The following NTNG1 variants were observed in gnomAD, a reference collection of about 807,000 sequenced individuals.
NTNG1 encodes the protein netrin-G1.
A neutral mutation model predicts 54.0 loss-of-function variants in NTNG1; 16 were observed. The ratio of observed to expected loss-of-function variants is 0.30; its 90% confidence interval spans 0.20 to 0.45. The LOEUF (loss-of-function observed/expected upper bound fraction) is 0.45. NTNG1 is among the 20% of genes least tolerant of loss of function. NTNG1 has a pLI of 1.00. For missense variants in NTNG1, 530 were observed against 678.7 expected (o/e 0.78, Z 2.43); for synonymous variants, 255 against 263.1 (o/e 0.97, Z 0.30).
chr1:107,391,353 G>A (rs1361055424), intron 3 of NTNG1, among the ~76,000 whole-genome samples: 1 of 152,150 alleles, frequency 6.6e-6, no homozygotes, highest in African/African-American at 2.4e-5. Flanking sequence ...TTGAGATTGG[G>A]TAGAGAGGGG....
chr1:107,440,789 T>C (rs890504559), intron 7 of NTNG1, among the ~76,000 whole-genome samples: 11 of 152,054 alleles, frequency 7.2e-5, no homozygotes, highest in African/African-American at 2.7e-4. Flanking sequence ...GGGGACATTT[T>C]AAAAACTCCA....
chr1:107,403,357 C>T (rs1195295773), intron 4 of NTNG1, among the ~76,000 whole-genome samples: 1 of 152,132 alleles, frequency 6.6e-6, no homozygotes, highest in Non-Finnish European at 1.5e-5. Flanking sequence ...AGTGACATTT[C>T]TGTTCTAGAA....
At chr1:107,335,644 T>C (rs889690635) in intron 3 of NTNG1, among the ~76,000 whole-genome samples, 4 of 151,784 alleles carry the variant, frequency 2.6e-5, no homozygotes, top group African/African-American at 9.7e-5. Flanking sequence ...GAGTAATTTT[T>C]ATCTAATTAG....
At chr1:107,428,212 C>T (rs1279034508) in intron 5 of NTNG1, among the ~76,000 whole-genome samples, 3 of 152,030 alleles carry the variant, frequency 2.0e-5, no homozygotes, top group Non-Finnish European at 4.4e-5. Context: ...TCATTCCCTC[C>T]TATTTTGTTT....
rs145406199 is a variant in NTNG1 at position 107,260,564 on chromosome 1, G to A, written c.247-63718G>A. Among the ~76,000 whole-genome samples the A allele has an allele frequency of 8.8e-3, 1,342 of 152,240 alleles. 12 individuals carry two copies. Among genetic ancestry groups the A allele is most frequent in the Middle Eastern group, 0.017 (5 of 294 alleles). ...GTGCCCGTAGAAGCACCTGTCTCTG[G>A]CTTTTGGTCAGGGTCTTCCACAGCA... On this transcript the variant is annotated intron_variant, in intron 2 of 7. Transcript: ENST00000370068.
At chr1:107,185,329 GT>G (rs959059453) in intron 2 of NTNG1, among the ~76,000 whole-genome samples, 4 of 152,174 alleles carry the variant, frequency 2.6e-5, no homozygotes, top group African/African-American at 9.6e-5. Context: ...AGAATCCTTT[GT>G]TACAGATTCC....
intron 2 of NTNG1, 150 bp downstream of exon 2, chr1:107,148,989 G>T: frequency 1.3e-6 from 1 of 760,870 alleles, no homozygotes; most frequent in Non-Finnish European, 2.1e-6. Flanking sequence ...TTTCTCAGTG[G>T]AGGCTTACAC....
intron 3 of NTNG1, among the ~76,000 whole-genome samples, chr1:107,394,211 A>G (rs1015932213): frequency 1.3e-5 from 2 of 152,082 alleles, no homozygotes; most frequent in African/African-American, 4.8e-5. Flanking sequence ...TGTAGGTTTT[A>G]CCTTTCCAGA....
At chr1:107,142,612 C>T (rs1653810572) in intron 1 of NTNG1, among the ~76,000 whole-genome samples, 1 of 150,718 alleles carries the variant, frequency 6.6e-6, no homozygotes, top group Non-Finnish European at 1.5e-5. Flanking sequence ...AGTAGAATTG[C>T]TCTAGAAATA....
At chr1:107,370,892 TACC>T (rs1670884636) in intron 3 of NTNG1, among the ~76,000 whole-genome samples, 1 of 152,164 alleles carries the variant, frequency 6.6e-6, no homozygotes, top group Non-Finnish European at 1.5e-5. Context: ...AACAGTTTGT[TACC>T]ACTATTTAGA....
chr1:107,372,985 A>G (rs1671016365), intron 3 of NTNG1, among the ~76,000 whole-genome samples: 1 of 151,890 alleles, frequency 6.6e-6, no homozygotes, highest in Admixed American at 6.6e-5. Context: ...AGCATGATCT[A>G]TTTTTCTGCA....
chr1:107,149,808 G>T (rs1309616310), intron 2 of NTNG1, among the ~76,000 whole-genome samples: 1 of 151,806 alleles, frequency 6.6e-6, no homozygotes, highest in Non-Finnish European at 1.5e-5. Context: ...TAGAAGAACT[G>T]CGATCCTGTT....
intron 3 of NTNG1, among the ~76,000 whole-genome samples, chr1:107,351,545 T>TA (rs1460449883): frequency 1.3e-5 from 2 of 152,146 alleles, no homozygotes; most frequent in African/African-American, 4.8e-5. Flanking sequence ...ACCAAGGGGA[T>TA]AATCTGCCCC....
chr1:107,404,699 A>T (rs533727995), intron 4 of NTNG1, among the ~76,000 whole-genome samples: 22 of 152,216 alleles, frequency 1.4e-4, no homozygotes, highest in African/African-American at 4.3e-4. Flanking sequence ...CAAACACATT[A>T]AAAAAATGCA....
At chr1:107,365,048 G>A (rs1670513818) in intron 3 of NTNG1, among the ~76,000 whole-genome samples, 1 of 152,104 alleles carries the variant, frequency 6.6e-6, no homozygotes, top group African/African-American at 2.4e-5. Flanking sequence ...TAAATACCTT[G>A]TTAAAATTAA....
chr1:107,297,106 C>CAT (rs1307617662), intron 2 of NTNG1, among the ~76,000 whole-genome samples: 1 of 146,626 alleles, frequency 6.8e-6, no homozygotes, highest in African/African-American at 2.5e-5. Flanking sequence ...CACACACACA[C>CAT]ACACACACAA....
chr1:107,268,414 G>A (rs181584362), intron 2 of NTNG1, among the ~76,000 whole-genome samples: 1 of 151,898 alleles, frequency 6.6e-6, no homozygotes, highest in Non-Finnish European at 1.5e-5. Context: ...GGACTCAGTT[G>A]GTTACTCCTC....
chr1:107,448,870 G>A (rs1676455716), intron 7 of NTNG1, among the ~76,000 whole-genome samples: 1 of 151,924 alleles, frequency 6.6e-6, no homozygotes, highest in Admixed American at 6.6e-5. Context: ...CAATTTAAAA[G>A]TGGTTAATAT....
At chr1:107,203,021 A>G (rs1008234236) in intron 2 of NTNG1, among the ~76,000 whole-genome samples, 18 of 152,122 alleles carry the variant, frequency 1.2e-4, no homozygotes, top group African/African-American at 4.3e-4. Context: ...TAATATATCC[A>G]CACTTTTTAA....
Sources: gnomAD v4.1 joint callset for allele counts (sites outside exome capture counted in the v4.1 genomes callset) on GRCh38, gnomAD v4.1.1 for gene constraint, MANE v1.5 for transcripts, NCBI Gene and HGNC (gene_info 2026-07-23, HGNC 2026-07-21) for gene names.